Variants in ZFPM2 observed in about 807,000 individuals in gnomAD.
The protein encoded by ZFPM2 is zinc finger protein ZFPM2.
ZFPM2 carries 20 observed loss-of-function variants against 98.6 expected under a neutral mutation model. The observed-to-expected ratio is 0.20, with a 90% confidence interval of 0.14 to 0.29. The LOEUF is 0.29. Among genes scored for constraint, ZFPM2 ranks in the 10% least tolerant of loss-of-function variants. The probability of loss-of-function intolerance (pLI) is 1.00; values close to 1 mark genes in which losing one functional copy is unlikely to be tolerated. For synonymous variants in ZFPM2, 518 were observed against 502.7 expected (o/e 1.03, Z -0.41); for missense variants, 1,310 against 1,388.6 (o/e 0.94, Z 0.90).
chr8:105,706,400 T>C (rs924986840), intron 5 of ZFPM2, among the ~76,000 whole-genome samples: 8 of 152,196 alleles, frequency 5.3e-5, no homozygotes, highest in Non-Finnish European at 1.2e-4. Context: ...ATGAAATTCA[T>C]TTTAGTCAAC....
intron 5 of ZFPM2, among the ~76,000 whole-genome samples, chr8:105,786,790 A>G (rs1344270768): frequency 1.3e-5 from 2 of 152,160 alleles, no homozygotes; most frequent in Non-Finnish European, 2.9e-5. Flanking sequence ...ATAGCTTACC[A>G]CAGTGATAAA....
At chr8:105,534,070 TCCTCCCTCCCATCTTCCTCCCTCCCTC>T (rs1563704482) in intron 3 of ZFPM2, among the ~76,000 whole-genome samples, 13 of 16,428 alleles carry the variant, frequency 7.9e-4, no homozygotes, top group East Asian at 1.7e-3. Flanking sequence ...CTCCCTTCCT[TCCTCCCTCCCATCTTCCTCCCTCCCTC>T]CCTTCCTCCC....
rs147442620 is a variant in ZFPM2, at chr8:105,397,170, C to G, written c.41-21974C>G. 8.4e-4 allele frequency among the ~76,000 whole-genome samples: 128 copies of G among 152,232 alleles called. 1 individual carries two copies. Among genetic ancestry groups the G allele is most frequent in the African/African-American group, 2.6e-3 (109 of 41,548 alleles). On this transcript the variant is annotated intron_variant, in intron 1 of 7. Transcript: ENST00000407775. ...TCCATCCCCCTCTATCATATCTTAT[C>G]TCTTTCAGCTCCTCCCTTTTACCAG...
At chr8:105,385,111 G>A (rs1202375979) in intron 1 of ZFPM2, among the ~76,000 whole-genome samples, 2 of 152,146 alleles carry the variant, frequency 1.3e-5, no homozygotes, top group African/African-American at 4.8e-5. Flanking sequence ...GACTATACGA[G>A]ACCACTTCTC....
chr8:105,561,444 C>T lies in ZFPM2; in HGVS notation c.383C>T (p.Pro128Leu), dbSNP rs1230477062. The T allele has an allele frequency of 2.5e-6, 4 of 1,612,850 alleles. No individual in the cohort carries two copies. Among genetic ancestry groups the T allele is most frequent in the Non-Finnish European group, 2.5e-6 (3 of 1,179,450 alleles). The change falls in exon 4 of 8, where the codon CCG (proline) becomes CTG (leucine). Residue 128 changes from proline to leucine, a missense_variant. Pro to Leu is a moderately conservative substitution (Grantham distance 98). Transcript: ENST00000407775. ...CTTCCAGTGGGAACAACCTGGGGGC[C>T]GTTTCCTGGGAAGATGGACTTGAAT... The part of the protein sequence containing the change: ...QQLPVGTTWG[P>L]FPGKMDLNNN...
chr8:105,476,848 G>A (rs181725872), intron 3 of ZFPM2, among the ~76,000 whole-genome samples: 79 of 152,014 alleles, frequency 5.2e-4, no homozygotes, highest in Non-Finnish European at 9.1e-4. Context: ...TGGTGTTGGG[G>A]GTGGGGGTAG....
At chr8:105,771,063 T>G (rs777868540) in intron 5 of ZFPM2, among the ~76,000 whole-genome samples, 6 of 152,158 alleles carry the variant, frequency 3.9e-5, no homozygotes, top group Non-Finnish European at 7.4e-5. Context: ...AAGAGAAATA[T>G]GTTGAAGTAA....
At chr8:105,391,164 T>G (rs553646308) in intron 1 of ZFPM2, among the ~76,000 whole-genome samples, 1 of 152,342 alleles carries the variant, frequency 6.6e-6, no homozygotes, top group African/African-American at 2.4e-5. Context: ...AATCTTTCAG[T>G]ATGGTACCAT....
intron 5 of ZFPM2, among the ~76,000 whole-genome samples, chr8:105,705,173 C>T (rs1811227350): frequency 6.6e-6 from 1 of 151,698 alleles, no homozygotes; most frequent in Non-Finnish European, 1.5e-5. Context: ...TATATGTATT[C>T]TGATTCTAAA....
At chr8:105,445,675 G>C (rs1812353086) in intron 3 of ZFPM2, among the ~76,000 whole-genome samples, 1 of 151,868 alleles carries the variant, frequency 6.6e-6, no homozygotes, top group Admixed American at 6.6e-5. Context: ...CATGATCTTG[G>C]CTCACTGCAG....
chr8:105,584,444 G>T (rs1433555083), intron 4 of ZFPM2, among the ~76,000 whole-genome samples: 2 of 152,118 alleles, frequency 1.3e-5, no homozygotes, highest in East Asian at 1.9e-4. Context: ...TGAGTAGGGG[G>T]TTTAGGCCTG....
chr8:105,597,741 A>C (rs1445373258), intron 4 of ZFPM2, among the ~76,000 whole-genome samples: 2 of 152,156 alleles, frequency 1.3e-5, no homozygotes, highest in African/African-American at 4.8e-5. Context: ...AGTTACTAAG[A>C]AAGTATATGG....
At chr8:105,342,122 C>T (rs1812440819) in intron 1 of ZFPM2, among the ~76,000 whole-genome samples, 2 of 151,994 alleles carry the variant, frequency 1.3e-5, no homozygotes, top group Admixed American at 6.6e-5. Flanking sequence ...TTGAAGACAT[C>T]TCTACACTTA....
chr8:105,798,659 T>C, intron 6 of ZFPM2, 65 bp from the exon 7 acceptor site: 1 of 1,437,590 alleles, frequency 7.0e-7, no homozygotes, highest in Non-Finnish European at 9.6e-7. Context: ...AACTAAATGC[T>C]GCTTTACCCA....
intron 3 of ZFPM2, among the ~76,000 whole-genome samples, chr8:105,469,661 A>T (rs2130341472): frequency 6.6e-6 from 1 of 152,328 alleles, no homozygotes; most frequent in Non-Finnish European, 1.5e-5. Flanking sequence ...AACAAGAATA[A>T]TAGTAATTCT....
intron 3 of ZFPM2, among the ~76,000 whole-genome samples, chr8:105,529,520 A>G (rs897581849): frequency 6.6e-6 from 1 of 151,586 alleles, no homozygotes; most frequent in Non-Finnish European, 1.5e-5. Context: ...AATGAATGCA[A>G]CCCAGACATA....
Position 105,649,232 on chromosome 8 carries a change from A to G in ZFPM2, c.532+14875A>G, listed in dbSNP as rs1466308285. On this transcript the variant is annotated intron_variant, in intron 5 of 7. Transcript: ENST00000407775. ...GTGATTTTTGCACAATGATTTTTGT[A>G]TCCTGAGACTTTGCTGAAGTTGCTT... Among the ~76,000 whole-genome samples the G allele has an allele frequency of 2.6e-5, 4 of 152,318 alleles. No homozygotes were observed. In the East Asian group the frequency reaches 7.7e-4, roughly 29 times the overall value.
chr8:105,461,656 T>C (rs1812706548), intron 3 of ZFPM2, among the ~76,000 whole-genome samples: 1 of 152,200 alleles, frequency 6.6e-6, no homozygotes, highest in East Asian at 1.9e-4. Flanking sequence ...GTGATCTTTT[T>C]AGCATTCTCT....
intron 3 of ZFPM2, among the ~76,000 whole-genome samples, chr8:105,463,017 A>G (rs1051125890): frequency 9.2e-5 from 14 of 151,884 alleles, no homozygotes; most frequent in Non-Finnish European, 1.8e-4. Flanking sequence ...ATAAATAATA[A>G]AAAAAATATA....
Sources: allele counts gnomAD v4.1 joint callset (sites outside exome capture counted in the v4.1 genomes callset), GRCh38; gene constraint gnomAD v4.1.1; transcripts MANE v1.5; gene names NCBI Gene and HGNC (gene_info 2026-07-23, HGNC 2026-07-21).